ZNF8: variants seen among roughly 807,000 people sequenced by gnomAD.
ZNF8 encodes the protein zinc finger protein 8.
In ZNF8, 9 loss-of-function variants were observed where a neutral mutation model predicts 12.2. That is an observed-to-expected ratio of 0.73 (90% CI 0.44 to 1.28). The LOEUF (loss-of-function observed/expected upper bound fraction) is 1.28, where lower values mean the gene tolerates loss of function less well. ZNF8 is among the 50% of genes most tolerant of loss of function. ZNF8 has a pLI of 0.00. For synonymous variants in ZNF8, 274 were observed against 282.3 expected, an observed-to-expected ratio of 0.97 and a Z score of 0.30; for missense variants, 664 against 729.1, an observed-to-expected ratio of 0.91 and a Z score of 1.03.
chr19:58,294,476 C>T lies in ZNF8; in HGVS notation c.668C>T (p.Ser223Phe). The T allele has an allele frequency of 1.2e-6, 2 of 1,614,142 alleles. No individual in the cohort carries two copies. Among genetic ancestry groups the T allele is most frequent in the Non-Finnish European group, 1.7e-6 (2 of 1,180,028 alleles). The part of the protein sequence containing the change: ...NSSLVSQQTG[S>F]PGKQPGENSD... ...AGCTTAGTCAGTCAGCAGACAGGCT[C>T]CCCAGGAAAACAGCCCGGTGAAAAC... is the stretch of plus-strand genomic sequence containing the variant. Residue 223 changes from serine to phenylalanine, a missense_variant, in exon 4 of 4, where the codon TCC (serine) becomes TTC (phenylalanine). Physicochemically the swap from Ser to Phe is radical, Grantham distance 155 (BLOSUM62 -2). Coordinates refer to ENST00000621650, the MANE Select transcript of ZNF8 (RefSeq NM_021089.3). This position sits in a 1 kb window ranked among gnomAD's most constrained non-coding sequence, Gnocchi z 5.5.
intron 1 of ZNF8, among the ~76,000 whole-genome samples, chr19:58,284,709 C>T (rs747437501): frequency 5.9e-5 from 9 of 151,862 alleles, no homozygotes; most frequent in African/African-American, 7.3e-5. Context: ...ATTAGCCGGG[C>T]GTGGTGGTGC....
At chr19:58,293,465 A>C (rs771157084) in intron 3 of ZNF8, among the ~76,000 whole-genome samples, 6 of 152,226 alleles carry the variant, frequency 3.9e-5, no homozygotes, top group Non-Finnish European at 7.3e-5. Flanking sequence ...ATGAATGAAC[A>C]CATGACCTGT....
intron 1 of ZNF8, chr19:58,279,442 G>C (rs183858019): frequency 6.9e-7 from 1 of 1,452,478 alleles, no homozygotes; most frequent in Non-Finnish European, 9.0e-7. Context: ...CCTGCGTTCT[G>C]CTCCGCCCCG....
chr19:58,285,717 G>C lies in ZNF8; in HGVS notation c.67G>C (p.Glu23Gln), dbSNP rs138061310. The C allele has an allele frequency of 9.9e-6, 16 of 1,614,026 alleles. No homozygotes were observed. In the Admixed American group the frequency reaches 1.0e-4, roughly 10 times the overall value. ...SVGPPAARLQEPVTFRDVAVD... is the reference protein window; with the variant it reads ...SVGPPAARLQQPVTFRDVAVD... The stretch of plus-strand genomic sequence containing the variant: ...ATTGAGAATGTGTGTGATGTTTCAG[G>C]AACCAGTGACCTTCCGGGATGTGGC... The change falls in exon 2 of 4, where the codon GAA becomes CAA. Residue 23 changes from glutamate (E) to glutamine (Q), a missense_variant and splice_region_variant. Coordinates refer to ENST00000621650, the MANE Select transcript of ZNF8 (RefSeq NM_021089.3).
At chr19:58,280,160 A>G (rs2051340933) in intron 1 of ZNF8, 2 of 310,876 alleles carry the variant, frequency 6.4e-6, no homozygotes, top group Non-Finnish European at 1.3e-5. Context: ...GAGTTCTGAC[A>G]GGAGTAATGG....
intron 1 of ZNF8, chr19:58,279,413 G>C: frequency 6.9e-7 from 1 of 1,445,056 alleles, no homozygotes; most frequent in Non-Finnish European, 9.1e-7. Flanking sequence ...ATTCCCGAGA[G>C]AATCGAGCAG....
Position 58,294,378 on chromosome 19 carries a change from A to G in ZNF8, c.570A>G (p.Pro190=), listed in dbSNP as rs1435821258. ...GCGTCCTGAGTTCAAGCCCAAATCC[A>G]TTCCCAGAGATCTCTAGAGGGGAGT... ...ENCVLSSSPN[P]FPEISRGEYL... Residue 190 remains proline, a synonymous_variant, in exon 4 of 4, where the codon CCA becomes CCG. Coordinates refer to ENST00000621650, the MANE Select transcript of ZNF8 (RefSeq NM_021089.3). The surrounding 1 kb of genome is among the most constrained non-coding windows in gnomAD (Gnocchi z 5.5). 1.2e-6 allele frequency: 2 copies of G among 1,614,158 alleles called. No individual in the cohort carries two copies. Among genetic ancestry groups the G allele is most frequent in the Admixed American group, 1.7e-5 (1 of 60,024 alleles).
Position 58,295,593 on chromosome 19 carries a change from T to C in ZNF8, c.*57T>C. On this transcript the variant is annotated 3_prime_UTR_variant, in exon 4 of 4. Coordinates refer to ENST00000621650, the MANE Select transcript of ZNF8 (RefSeq NM_021089.3). ...AAGTAAAAAATGTGGTAAGTCCACATAGTGTACTCATGGAAGGAGGGGCTG... is the reference window on the plus strand; with the variant it reads ...AAGTAAAAAATGTGGTAAGTCCACACAGTGTACTCATGGAAGGAGGGGCTG... 1 of 1,378,486 alleles carries C rather than the reference T, an allele frequency of 7.3e-7. No individual in the cohort carries two copies. 85.4% of individuals were successfully genotyped at this position (1,378,486 alleles called of 1,614,324 possible).
rs1282932854 is a variant in ZNF8 at position 58,297,858 on chromosome 19, AT to A, written c.*2325del. ...ATTTTCACAATCATACTAAGCTGTC[AT>A]TTCACATTTTTGCTGTGCACTGATA... On this transcript the variant is annotated 3_prime_UTR_variant, in exon 4 of 4. Transcript: ENST00000621650. 6.6e-6 allele frequency: 1 copy of A among 152,196 alleles called. No individual in the cohort carries two copies. Among genetic ancestry groups the A allele is most frequent in the Non-Finnish European group, 1.5e-5 (1 of 68,038 alleles). 9.4% of individuals were successfully genotyped at this position (152,196 alleles called of 1,614,324 possible).
rs528523629 is a variant in ZNF8, at chr19:58,285,565, A to G, written c.67-152A>G. 1.3e-5 allele frequency: 14 copies of G among 1,074,294 alleles called. No individual in the cohort carries two copies. The East Asian group carries it at 3.3e-4, about 25-fold the overall frequency. 66.5% of individuals were successfully genotyped at this position (1,074,294 alleles called of 1,614,324 possible). ...AACCCACACCTATGTGTAGTGGCCT[A>G]ATAGGTGCCCAGTGAGACCTGACTC... On this transcript the variant is annotated intron_variant, in intron 1 of 3. Coordinates refer to ENST00000621650, the MANE Select transcript of ZNF8 (RefSeq NM_021089.3).
rs2051497554 is a variant in ZNF8 at position 58,302,629 on chromosome 19, G to C, written c.*7093G>C. ...CTCCACCCAGTATTTTACCAGCCTTGAGTTTTCTCAAAGGGGGCATTGGAG... is the reference window on the plus strand; with the variant it reads ...CTCCACCCAGTATTTTACCAGCCTTCAGTTTTCTCAAAGGGGGCATTGGAG... On this transcript the variant is annotated 3_prime_UTR_variant, in exon 4 of 4. Coordinates refer to ENST00000621650, the MANE Select transcript of ZNF8 (RefSeq NM_021089.3). 6.6e-6 allele frequency: 1 copy of C among 152,156 alleles called. No individual in the cohort carries two copies. Among genetic ancestry groups the C allele is most frequent in the African/African-American group, 2.4e-5 (1 of 41,430 alleles). 9.4% of individuals were successfully genotyped at this position (152,156 alleles called of 1,614,324 possible). A position where few individuals can be genotyped will look rare whatever the true frequency, so the allele number is the denominator to read the frequency against.
intron 3 of ZNF8, among the ~76,000 whole-genome samples, chr19:58,291,493 G>T (rs186428531): frequency 6.6e-6 from 1 of 151,972 alleles, no homozygotes; most frequent in Non-Finnish European, 1.5e-5. Context: ...GGGTCACAGT[G>T]TTGTCTTTAG....
Position 58,295,641 on chromosome 19 carries a change from C to T in ZNF8, c.*105C>T. Reference sequence around the variant, plus strand: ...CTGGGGGTAGAAATGTCATGGGTGACTTCTGACTTTCTAAGGAAATGATGC... The same window carrying T: ...CTGGGGGTAGAAATGTCATGGGTGATTTCTGACTTTCTAAGGAAATGATGC... On this transcript the variant is annotated 3_prime_UTR_variant, in exon 4 of 4. Transcript: ENST00000621650. The T allele has an allele frequency of 9.8e-7, 1 of 1,020,174 alleles. No individual in the cohort carries two copies. The highest frequency in any genetic ancestry group is 1.4e-6 in the Non-Finnish European group (1 of 699,970). The allele number at this position is 1,020,174 out of a possible 1,614,324, so 63.2% of individuals were successfully genotyped here. A position where few individuals can be genotyped will look rare whatever the true frequency, so the allele number is the denominator to read the frequency against.
intron 3 of ZNF8, among the ~76,000 whole-genome samples, chr19:58,290,816 C>T (rs1354788732): frequency 2.0e-5 from 3 of 152,040 alleles, no homozygotes; most frequent in Admixed American, 6.6e-5. Flanking sequence ...TTTGGGAGGC[C>T]GAGGCGGGTG....
At position 58,294,892 on chromosome 19, in the gene ZNF8, A is replaced by G; in HGVS notation, c.1084A>G (p.Thr362Ala). The change falls in exon 4 of 4, where the codon ACA (threonine) becomes GCA (alanine). Residue 362 changes from threonine (T) to alanine (A), a missense_variant. Thr to Ala is a moderately conservative substitution (Grantham distance 58, BLOSUM62 0). Around this residue, in one of 3 missense-constraint regions of ZNF8, gnomAD observed 133 missense variants for 198.4 expected, o/e 0.67. Transcript: ENST00000621650. This position sits in a 1 kb window ranked among gnomAD's most constrained non-coding sequence, Gnocchi z 5.5. ...QNSSLGRHKRTHTGEKPYTCS... is the reference protein window; with the variant it reads ...QNSSLGRHKRAHTGEKPYTCS... ...CTCCTCCCTGGGGCGGCACAAGAGGACACACACTGGGGAGAAGCCATACAC... is the reference window on the plus strand; with the variant it reads ...CTCCTCCCTGGGGCGGCACAAGAGGGCACACACTGGGGAGAAGCCATACAC... 4 of 1,614,104 alleles carry G rather than the reference A, an allele frequency of 2.5e-6. No homozygotes were observed. Among genetic ancestry groups the G allele is most frequent in the Non-Finnish European group, 3.4e-6 (4 of 1,180,008 alleles).
In ZNF8 at chr19:58,295,284, G is replaced by A. The variant is rs1346943223; in HGVS notation, c.1476G>A (p.Glu492=). 3.1e-6 allele frequency: 5 copies of A among 1,614,100 alleles called. No homozygotes were observed. Among genetic ancestry groups the A allele is most frequent in the Non-Finnish European group, 4.2e-6 (5 of 1,180,038 alleles). The part of the protein sequence containing the change: ...LIRHQITHTR[E]EQPHGRSRRR... Reference sequence around the variant, plus strand: ...GGCACCAGATAACTCACACCAGAGAGGAGCAGCCCCATGGGCGAAGCCGGC... The same window carrying A: ...GGCACCAGATAACTCACACCAGAGAAGAGCAGCCCCATGGGCGAAGCCGGC... The change falls in exon 4 of 4, where the codon GAG becomes GAA. Residue 492 remains glutamate, a synonymous_variant. Transcript: ENST00000621650.
At chr19:58,284,020 C>T (rs1000691701) in intron 1 of ZNF8, among the ~76,000 whole-genome samples, 5 of 152,016 alleles carry the variant, frequency 3.3e-5, no homozygotes, top group Admixed American at 6.6e-5. Context: ...GTCAGGAGTT[C>T]GACACCAGCC....
At chr19:58,290,909 TG>T (rs1256510301) in intron 3 of ZNF8, among the ~76,000 whole-genome samples, 2 of 152,102 alleles carry the variant, frequency 1.3e-5, no homozygotes, top group Non-Finnish European at 2.9e-5. Flanking sequence ...AAAAATTAGC[TG>T]GGTGTGGTGG....
In ZNF8 at chr19:58,293,853, CAG is replaced by C. The variant is rs778728948; in HGVS notation, c.290-244_290-243del. On this transcript the variant is annotated intron_variant, in intron 3 of 3. Transcript: ENST00000621650. ...GTGTGTTTTAAGTTACAGCAGCAAACAGGGAACTCATATACCTTGACTTCATT... is the reference window on the plus strand; with the variant it reads ...GTGTGTTTTAAGTTACAGCAGCAAACGGAACTCATATACCTTGACTTCATT... Among the ~76,000 whole-genome samples the C allele has an allele frequency of 6.6e-5, 10 of 152,366 alleles. 1 individual carries two copies. Among genetic ancestry groups the C allele is most frequent in the Admixed American group, 2.0e-4 (3 of 15,306 alleles).
Sources: allele counts gnomAD v4.1 joint callset (sites outside exome capture counted in the v4.1 genomes callset), GRCh38; gene constraint gnomAD v4.1.1; regional missense constraint gnomAD v4.1.1; non-coding constraint Gnocchi (gnomAD v3.1); transcripts MANE v1.5; gene names NCBI Gene and HGNC (gene_info 2026-07-23, HGNC 2026-07-21).